GLIS1: variants seen among roughly 807,000 people sequenced by gnomAD.
GLIS1 encodes GLIS family zinc finger 1.
In GLIS1, 24 loss-of-function variants were observed where a neutral mutation model predicts 63.8. The ratio of observed to expected loss-of-function variants is 0.38; its 90% confidence interval spans 0.27 to 0.53. The LOEUF (loss-of-function observed/expected upper bound fraction) is 0.53, where lower values mean the gene tolerates loss of function less well. GLIS1 is among the 20% of genes least tolerant of loss of function. The pLI is 0.85. For synonymous variants in GLIS1, 450 were observed against 482.5 expected (o/e 0.93, Z 0.88); for missense variants, 1,036 against 1,074.1 (o/e 0.96, Z 0.50).
intron 2 of GLIS1, among the ~76,000 whole-genome samples, chr1:53,662,829 C>T (rs1404034153): frequency 6.6e-6 from 1 of 152,190 alleles, no homozygotes; most frequent in African/African-American, 2.4e-5. Flanking sequence ...TTACTGAGCA[C>T]CAATGTGGGC....
intron 2 of GLIS1, among the ~76,000 whole-genome samples, chr1:53,671,139 T>G (rs1646146391): frequency 6.6e-6 from 1 of 152,310 alleles, no homozygotes; most frequent in South Asian, 2.1e-4. Context: ...GGTAAATTTG[T>G]GTAACAATGC....
At chr1:53,506,927 A>C in intron 10 of GLIS1, 151 bp from the exon 11 acceptor site, 2 of 811,836 alleles carry the variant, frequency 2.5e-6, no homozygotes, top group Non-Finnish European at 3.7e-6. Flanking sequence ...AACTTTTCCA[A>C]ATGGGGGAGC....
In GLIS1 at chr1:53,526,568, A is replaced by C. The variant is rs542846467; in HGVS notation, c.1483-1681T>G. ...ACACACACACAAAACCACCACCACC[A>C]CACACACACACCACACCATACACAC... On this transcript the variant is annotated intron_variant, in intron 5 of 10. Transcript: ENST00000628545. This position sits in a 1 kb window ranked among gnomAD's most constrained non-coding sequence, Gnocchi z 4.4. Among the ~76,000 whole-genome samples, 12 of 129,112 alleles carry C rather than the reference A, an allele frequency of 9.3e-5. No homozygotes were observed. The East Asian group carries it at 9.7e-3, about 104-fold the overall frequency. The allele number at this position is 129,112 out of a possible 152,430, so 84.7% of individuals were successfully genotyped here. A position where few individuals can be genotyped will look rare whatever the true frequency, so the allele number is the denominator to read the frequency against.
intron 2 of GLIS1, among the ~76,000 whole-genome samples, chr1:53,640,118 G>A (rs934334209): frequency 3.9e-5 from 6 of 152,192 alleles, no homozygotes; most frequent in African/African-American, 1.4e-4. Flanking sequence ...GCAGTCAGAG[G>A]AGTGCAGGTG....
rs763221218 is a variant in GLIS1, at chr1:53,594,110, T to G, written c.1318A>C (p.Met440Leu). The change falls in exon 4 of 11, where the codon ATG (methionine) becomes CTG (leucine). Residue 440 changes from methionine to leucine, a missense_variant and splice_region_variant. By Grantham distance (15) the Met-to-Leu change is conservative (BLOSUM62 2). Coordinates refer to ENST00000628545, the MANE Select transcript of GLIS1 (RefSeq NM_001367484.1). ...VHSGEKPNKC[M>L]FEGCSKAFSR... is the part of the protein sequence containing the mutation. Reference sequence around the variant, plus strand: ...CCTGGCGGCCGGTGGGAACTCACCATGCACTTGTTGGGCTTCTCGCCCGAG... The same window carrying G: ...CCTGGCGGCCGGTGGGAACTCACCAGGCACTTGTTGGGCTTCTCGCCCGAG... 3.1e-6 allele frequency: 5 copies of G among 1,607,294 alleles called. No homozygotes were observed. The highest frequency in any genetic ancestry group is 4.3e-6 in the Non-Finnish European group (5 of 1,175,292).
intron 2 of GLIS1, among the ~76,000 whole-genome samples, chr1:53,651,904 C>T (rs927960168): frequency 1.3e-5 from 2 of 149,800 alleles, no homozygotes; most frequent in Non-Finnish European, 3.0e-5. Context: ...AATTGACAAG[C>T]GGGGCACCCC....
chr1:53,721,059 G>A (rs1444236346), intron 2 of GLIS1, among the ~76,000 whole-genome samples: 3 of 150,688 alleles, frequency 2.0e-5, no homozygotes, highest in Non-Finnish European at 4.4e-5. Flanking sequence ...ATGACTAAAA[G>A]GAAAACACAA....
intron 2 of GLIS1, among the ~76,000 whole-genome samples, chr1:53,736,767 C>G (rs1298547187): frequency 6.6e-6 from 1 of 152,200 alleles, no homozygotes; most frequent in Non-Finnish European, 1.5e-5. Context: ...AATCCCTGAA[C>G]CAGGGAGTTG....
intron 4 of GLIS1, among the ~76,000 whole-genome samples, chr1:53,537,685 C>T (rs1644596345): frequency 6.6e-6 from 1 of 152,036 alleles, no homozygotes; most frequent in South Asian, 2.1e-4. Flanking sequence ...TGGCATGGCC[C>T]AAAAAGGAGG....
intron 2 of GLIS1, among the ~76,000 whole-genome samples, chr1:53,698,861 T>G (rs1273544631): frequency 6.6e-6 from 1 of 152,156 alleles, no homozygotes; most frequent in African/African-American, 2.4e-5. Context: ...ATCACGAACC[T>G]GTGCGGGCAG....
At chr1:53,735,605 G>A (rs797916) in intron 2 of GLIS1, among the ~76,000 whole-genome samples, 8,144 of 152,230 alleles carry the variant, frequency 0.053, 675 homozygotes, top group African/African-American at 0.18. Flanking sequence ...GAGTAAAATC[G>A]ATTCCCCCAA....
At chr1:53,726,145 T>C (rs1646803225) in intron 2 of GLIS1, among the ~76,000 whole-genome samples, 1 of 152,126 alleles carries the variant, frequency 6.6e-6, no homozygotes, top group African/African-American at 2.4e-5. Context: ...TAATTCTGGC[T>C]GGAGGAGGAA....
At chr1:53,520,807 C>T in intron 6 of GLIS1, 41 bp from the exon 7 acceptor site, 1 of 1,555,080 alleles carries the variant, frequency 6.4e-7, no homozygotes, top group Non-Finnish European at 8.7e-7. Flanking sequence ...TAGTGTGAGA[C>T]CCCTGCCCAC....
chr1:53,516,346 C>T (rs980860968), intron 7 of GLIS1, among the ~76,000 whole-genome samples: 3 of 152,142 alleles, frequency 2.0e-5, no homozygotes, highest in African/African-American at 7.2e-5. Flanking sequence ...CCCCTTTGGC[C>T]CAGGCCTGCA....
intron 2 of GLIS1, among the ~76,000 whole-genome samples, chr1:53,617,745 G>A (rs1367828661): frequency 6.6e-6 from 1 of 152,222 alleles, no homozygotes; most frequent in Non-Finnish European, 1.5e-5. Flanking sequence ...GGCCGGCTAT[G>A]TTATCGGTGC....
At chr1:53,669,979 A>C (rs1415658944) in intron 2 of GLIS1, among the ~76,000 whole-genome samples, 1 of 152,214 alleles carries the variant, frequency 6.6e-6, no homozygotes, top group Non-Finnish European at 1.5e-5. Context: ...CAAGCAGTAA[A>C]TACTTAAAGT....
At chr1:53,633,881 G>T (rs1645696459) in intron 2 of GLIS1, among the ~76,000 whole-genome samples, 1 of 152,158 alleles carries the variant, frequency 6.6e-6, no homozygotes, top group Non-Finnish European at 1.5e-5. Context: ...GTGCCAATGG[G>T]TGCAATGGCA....
intron 2 of GLIS1, among the ~76,000 whole-genome samples, chr1:53,610,495 T>A (rs954135025): frequency 6.6e-6 from 1 of 152,276 alleles, no homozygotes; most frequent in Non-Finnish European, 1.5e-5. Context: ...TATGGATTTA[T>A]GCCACTGTGT....
At position 53,551,373 on chromosome 1, in the gene GLIS1, C is replaced by A. The variant is rs933314522; in HGVS notation, c.1321-21421G>T. On this transcript the variant is annotated intron_variant, in intron 4 of 10. Coordinates refer to ENST00000628545, the MANE Select transcript of GLIS1 (RefSeq NM_001367484.1). ...AGGCCTGGAAACTGTGGTGGCCCAT[C>A]TGCACCCTGCACCCATGCCCGGGAT... is the stretch of plus-strand genomic sequence containing the variant. 6.6e-5 allele frequency among the ~76,000 whole-genome samples: 10 copies of A among 152,354 alleles called. No homozygotes were observed. The East Asian group carries it at 1.5e-3, about 24-fold the overall frequency.
Sources: allele counts gnomAD v4.1 joint callset (sites outside exome capture counted in the v4.1 genomes callset), GRCh38; gene constraint gnomAD v4.1.1; non-coding constraint Gnocchi (gnomAD v3.1); transcripts MANE v1.5; gene names NCBI Gene and HGNC (gene_info 2026-07-23, HGNC 2026-07-21).